Variants in PCSK9 observed in about 807,000 individuals in gnomAD.
PCSK9 encodes convertase subtilisin/kexin type 9 preproprotein.
PCSK9 carries 57 observed loss-of-function variants against 62.1 expected under a neutral mutation model. The ratio of observed to expected loss-of-function variants is 0.92; its 90% CI spans 0.74 to 1.14. The LOEUF (loss-of-function observed/expected upper bound fraction) is 1.14. PCSK9 is among the 50% of genes most tolerant of loss of function. The probability of loss-of-function intolerance (pLI) is 0.00; values close to 1 mark genes in which losing one functional copy is unlikely to be tolerated. For synonymous variants in PCSK9, 387 were observed against 409.4 expected (o/e 0.95, Z 0.66); for missense variants, 870 against 959.8 (o/e 0.91, Z 1.24).
rs28362264 is a variant in PCSK9, at chr1:55,058,411, C to A, written c.1355-88C>A. On this transcript the variant is annotated intron_variant, in intron 8 of 11. Transcript: ENST00000302118. Reference sequence around the variant, plus strand: ...GAGACAGTTGAGTATGTTCTTTAAGCCCTCCTCTCTCCTACCATGAACTAA... The same window carrying A: ...GAGACAGTTGAGTATGTTCTTTAAGACCTCCTCTCTCCTACCATGAACTAA... The A allele has an allele frequency of 1.1e-3, 1,747 of 1,586,756 alleles. 19 individuals carry two copies. In the African/African-American group the frequency reaches 0.021, roughly 19 times the overall value.
Position 55,057,468 on chromosome 1 carries a change from C to A in PCSK9, c.1134C>A (p.Cys378Ter), listed in dbSNP as rs776752113. The change falls in exon 7 of 12, where the codon TGC becomes TGA. Residue 378 changes from cysteine (C) to a stop codon, truncating the protein, a stop_gained. Transcript: ENST00000302118. LOFTEE classifies it high-confidence loss of function. ...GTGCCTCCAGCGACTGCAGCACCTGCTTTGTGTCACAGAGTGGGACATCAC... is the reference window on the plus strand; with the variant it reads ...GTGCCTCCAGCGACTGCAGCACCTGATTTGTGTCACAGAGTGGGACATCAC... ...IIGASSDCSTCFVSQSGTSQA... is the reference protein window; with the variant it reads ...IIGASSDCST The A allele has an allele frequency of 4.3e-6, 7 of 1,613,956 alleles. No homozygotes were observed. Among genetic ancestry groups the A allele is most frequent in the Non-Finnish European group, 5.1e-6 (6 of 1,180,008 alleles).
chr1:55,044,017 G>T lies in PCSK9; in HGVS notation c.382G>T (p.Gly128Cys). The change falls in exon 2 of 12, where the codon GGC becomes TGC. Residue 128 changes from glycine to cysteine, a missense_variant. Gly to Cys is a radical substitution (Grantham distance 159, BLOSUM62 -3). Coordinates refer to ENST00000302118, the MANE Select transcript of PCSK9 (RefSeq NM_174936.4). ...LLPGFLVKMS[G>C]DLLELALKLP... Reference sequence around the variant, plus strand: ...TCCTGGCTTCCTGGTGAAGATGAGTGGCGACCTGCTGGAGCTGGTGAGCCA... The same window carrying T: ...TCCTGGCTTCCTGGTGAAGATGAGTTGCGACCTGCTGGAGCTGGTGAGCCA... 1 of 1,614,200 alleles carries T rather than the reference G, an allele frequency of 6.2e-7. No homozygotes were observed. Among genetic ancestry groups the T allele is most frequent in the Non-Finnish European group, 8.5e-7 (1 of 1,180,040 alleles).
At position 55,063,882 on chromosome 1, in the gene PCSK9, A is replaced by C; in HGVS notation, c.*298A>C. ...GCTCGGGTGCTGCCAGCTGCTCCCA[A>C]TGTGCCGATGTCCGTGGGCAGAATG... On this transcript the variant is annotated 3_prime_UTR_variant, in exon 12 of 12. Coordinates refer to ENST00000302118, the MANE Select transcript of PCSK9 (RefSeq NM_174936.4). 2.1e-6 allele frequency: 1 copy of C among 480,678 alleles called. No homozygotes were observed. The highest frequency in any genetic ancestry group is 3.0e-5 in the South Asian group (1 of 33,772). The allele number at this position is 480,678 out of a possible 1,614,324, so 29.8% of individuals were successfully genotyped here. A position where few individuals can be genotyped will look rare whatever the true frequency, so the allele number is the denominator to read the frequency against.
rs553095640 is a variant in PCSK9, at chr1:55,063,604, G to C, written c.*20G>C. The C allele has an allele frequency of 4.4e-6, 7 of 1,608,324 alleles. No individual in the cohort carries two copies. Among genetic ancestry groups the C allele is most frequent in the Non-Finnish European group, 5.1e-6 (6 of 1,178,324 alleles). ...CAGTGACAGCCCCATCCCAGGATGG[G>C]TGTCTGGGGAGGGTCAAGGGCTGGG... On this transcript the variant is annotated 3_prime_UTR_variant, in exon 12 of 12. Transcript: ENST00000302118.
At position 55,063,368 on chromosome 1, in the gene PCSK9, G is replaced by T; in HGVS notation, c.1864-1G>T. On this transcript the variant is annotated splice_acceptor_variant, in intron 11 of 11. Coordinates refer to ENST00000302118, the MANE Select transcript of PCSK9 (RefSeq NM_174936.4). LOFTEE classifies it high-confidence loss of function. ...GCTTTCTTTTCCTCGGGCTCTGGCA[G>T]GTGACCGTGGCCTGCGAGGAGGGCT... 6.2e-7 allele frequency: 1 copy of T among 1,613,510 alleles called. No individual in the cohort carries two copies. The highest frequency in any genetic ancestry group is 1.1e-5 in the South Asian group (1 of 90,970).
At chr1:55,058,462 C>A in intron 8 of PCSK9, 37 bp from the exon 9 acceptor site, 1 of 1,612,210 alleles carries the variant, frequency 6.2e-7, no homozygotes, top group Non-Finnish European at 8.5e-7. Flanking sequence ...TCCCCTCACT[C>A]CCAGCACCCC....
rs1451131703 is a variant in PCSK9 at position 55,040,305 on chromosome 1, T to G, written c.207+261T>G. Among the ~76,000 whole-genome samples, 2 of 152,044 alleles carry G rather than the reference T, an allele frequency of 1.3e-5. No individual in the cohort carries two copies. Among genetic ancestry groups the G allele is most frequent in the Non-Finnish European group, 2.9e-5 (2 of 67,998 alleles). ...GCGGCTGCGCTATTCAGTGGGAAGG[T>G]TCGCGGGGTTGGGAGACCCGGAGGC... is the stretch of plus-strand genomic sequence containing the variant. On this transcript the variant is annotated intron_variant, in intron 1 of 11. Transcript: ENST00000302118. The surrounding 1 kb of genome is among the most constrained non-coding windows in gnomAD (Gnocchi z 4.1).
chr1:55,062,190 G>T (rs983138124), intron 11 of PCSK9, among the ~76,000 whole-genome samples: 3 of 152,248 alleles, frequency 2.0e-5, no homozygotes, highest in Non-Finnish European at 2.9e-5. Context: ...TGTGACAGCC[G>T]GGCCTTCTAG....
chr1:55,054,209 C>T (rs1322723211), intron 5 of PCSK9, among the ~76,000 whole-genome samples: 1 of 152,074 alleles, frequency 6.6e-6, no homozygotes, highest in Non-Finnish European at 1.5e-5. Context: ...CATGGTGAAA[C>T]CCCGTCTCTA....
Position 55,063,463 on chromosome 1 carries a change from C to CGTGT in PCSK9, c.1961_1964dup (p.Val656CysfsTer56). On this transcript the variant is annotated frameshift_variant, in exon 12 of 12. Coordinates refer to ENST00000302118, the MANE Select transcript of PCSK9 (RefSeq NM_174936.4). LOFTEE classifies it low-confidence loss of function (END_TRUNC). ...CTGGGGGCCTACGCCGTAGACAACA[C>CGTGT]GTGTGTAGTCAGGAGCCGGGACGTC... is the stretch of plus-strand genomic sequence containing the variant. 1 of 1,614,140 alleles carries CGTGT rather than the reference C, an allele frequency of 6.2e-7. No homozygotes were observed. The highest frequency in any genetic ancestry group is 8.5e-7 in the Non-Finnish European group (1 of 1,180,026).
chr1:55,052,611 G>A (rs370875867), intron 4 of PCSK9, 39 bp from the exon 5 acceptor site: 1 of 1,610,868 alleles, frequency 6.2e-7, no homozygotes. Flanking sequence ...AGGGTGGAGG[G>A]GGGGTCTTTC....
At position 55,058,031 on chromosome 1, in the gene PCSK9, AC is replaced by A. The variant is rs1182800112; in HGVS notation, c.1181-3del. The A allele has an allele frequency of 3.7e-6, 6 of 1,613,490 alleles. No individual in the cohort carries two copies. In the African/African-American group the frequency reaches 8.0e-5, roughly 22 times the overall value. On this transcript the variant is annotated splice_region_variant and splice_polypyrimidine_tract_variant and intron_variant, in intron 7 of 11. Transcript: ENST00000302118. ...ACCATCTTTCACCATTCACCCCTGC[AC>A]CAGGCATTGCAGCCATGATGCTGTC...
At chr1:55,045,153 C>G (rs766979930) in intron 2 of PCSK9, among the ~76,000 whole-genome samples, 22 of 152,002 alleles carry the variant, frequency 1.4e-4, no homozygotes, top group Non-Finnish European at 2.6e-4. Flanking sequence ...AGAAGGTACC[C>G]GTATAGCACC....
rs1644581505 is a variant in PCSK9, at chr1:55,039,587, C to T, written c.-251C>T. 3.4e-6 allele frequency: 2 copies of T among 584,386 alleles called. No homozygotes were observed. Among genetic ancestry groups the T allele is most frequent in the Non-Finnish European group, 6.1e-6 (2 of 330,246 alleles). The allele number at this position is 584,386 out of a possible 1,614,324, so 36.2% of individuals were successfully genotyped here. ...GCTCATGGTTGCAGGCGGGCGCCGC[C>T]GTTCAGTTCAGGGTCTGAGCCTGGA... On this transcript the variant is annotated 5_prime_UTR_variant, in exon 1 of 12. Coordinates refer to ENST00000302118, the MANE Select transcript of PCSK9 (RefSeq NM_174936.4).
rs1570291049 is a variant in PCSK9, at chr1:55,040,101, T to A, written c.207+57T>A. 1 of 1,531,420 alleles carries A rather than the reference T, an allele frequency of 6.5e-7. No individual in the cohort carries two copies. Among genetic ancestry groups the A allele is most frequent in the East Asian group, 2.5e-5 (1 of 40,604 alleles). The allele number at this position is 1,531,420 out of a possible 1,614,324, so 94.9% of individuals were successfully genotyped here. A position where few individuals can be genotyped will look rare whatever the true frequency, so the allele number is the denominator to read the frequency against. ...ACCCGCAGCCGGGACGGTGCGGTGC[T>A]GTTTCCTCTCGGGCCTCAGTTTCCC... On this transcript the variant is annotated intron_variant, in intron 1 of 11. Transcript: ENST00000302118. The surrounding 1 kb of genome is among the most constrained non-coding windows in gnomAD (Gnocchi z 4.1).
At chr1:55,044,859 C>A (rs1055984198) in intron 2 of PCSK9, among the ~76,000 whole-genome samples, 1 of 152,146 alleles carries the variant, frequency 6.6e-6, no homozygotes, top group African/African-American at 2.4e-5. Flanking sequence ...CTCAGCATAC[C>A]GTGGCTGAAC....
intron 1 of PCSK9, among the ~76,000 whole-genome samples, chr1:55,041,404 A>G (rs1644597298): frequency 6.6e-6 from 1 of 152,140 alleles, no homozygotes; most frequent in South Asian, 2.1e-4. Context: ...TGTGGCCAGG[A>G]TAAGAAAGGG....
At chr1:55,043,351 A>G (rs1372755489) in intron 1 of PCSK9, among the ~76,000 whole-genome samples, 1 of 152,184 alleles carries the variant, frequency 6.6e-6, no homozygotes, top group African/African-American at 2.4e-5. Context: ...TGTGGTCTCT[A>G]CAATACAGCA....
intron 9 of PCSK9, among the ~76,000 whole-genome samples, 167 bp downstream of exon 9, chr1:55,058,814 G>A (rs1455016108): frequency 6.6e-6 from 1 of 152,176 alleles, no homozygotes; most frequent in Non-Finnish European, 1.5e-5. Flanking sequence ...CAGGAGTGGG[G>A]CACTCCTCAC....
Sources: allele counts gnomAD v4.1 joint callset (sites outside exome capture counted in the v4.1 genomes callset), GRCh38; gene constraint gnomAD v4.1.1; non-coding constraint Gnocchi (gnomAD v3.1); transcripts MANE v1.5; gene names NCBI Gene and HGNC (gene_info 2026-07-23, HGNC 2026-07-21).